The following RYK variants were observed in gnomAD, a reference collection of about 807,000 sequenced individuals.
The protein encoded by RYK is inactive tyrosine-protein kinase RYK.
Under a neutral mutation model 70.2 loss-of-function variants are expected in RYK, and 21 were observed. The observed-to-expected ratio is 0.30, with a 90% CI of 0.21 to 0.43. The LOEUF (loss-of-function observed/expected upper bound fraction) is 0.43, where lower values mean the gene tolerates loss of function less well. Among genes scored for constraint, RYK ranks in the 20% least tolerant of loss-of-function variants. RYK has a pLI of 1.00. For missense variants in RYK, 604 were observed against 753.3 expected, an observed-to-expected ratio of 0.80 and a Z score of 2.32; for synonymous variants, 267 against 278.0, an observed-to-expected ratio of 0.96 and a Z score of 0.39.
chr3:134,231,195 A>C (rs2015049806), intron 1 of RYK, among the ~76,000 whole-genome samples: 1 of 144,072 alleles, frequency 6.9e-6, no homozygotes, highest in Non-Finnish European at 1.5e-5. Flanking sequence ...GACAAGACCA[A>C]AAAAAAAAAA....
intron 2 of RYK, among the ~76,000 whole-genome samples, chr3:134,212,906 C>T (rs1445255975): frequency 6.6e-6 from 1 of 152,170 alleles, no homozygotes; most frequent in East Asian, 1.9e-4. Flanking sequence ...GGTATGCAAA[C>T]ATTAAACTCT....
intron 5 of RYK, among the ~76,000 whole-genome samples, chr3:134,204,591 C>CCA (rs59154111): frequency 0.075 from 10,525 of 140,666 alleles, 510 homozygotes; most frequent in African/African-American, 0.14. Context: ...ACAGCCACAG[C>CCA]CACACACACA....
rs1319134701 is a variant in RYK at position 134,211,552 on chromosome 3, T to A, written c.410A>T (p.Gln137Leu). Reference sequence around the variant, plus strand: ...TTCCCCCTGAACAGAAATGTTGACCTGGGGCATATCCATTGCCAAAACATT... The same window carrying A: ...TTCCCCCTGAACAGAAATGTTGACCAGGGGCATATCCATTGCCAAAACATT... ...VDNVLAMDMP[Q>L]VNISVQGEVP... The change falls in exon 3 of 15, where the codon CAG becomes CTG. Residue 137 changes from glutamine to leucine, a missense_variant. Gln to Leu is a moderately radical substitution (Grantham distance 113, BLOSUM62 -2). Around this residue, in one of 2 missense-constraint regions of RYK, gnomAD observed 466 missense variants for 535.9 expected, o/e 0.87. Coordinates refer to ENST00000623711, the MANE Select transcript of RYK (RefSeq NM_002958.4). 6.2e-7 allele frequency: 1 copy of A among 1,613,764 alleles called. No homozygotes were observed. The highest frequency in any genetic ancestry group is 1.1e-5 in the South Asian group (1 of 91,038).
intron 2 of RYK, among the ~76,000 whole-genome samples, chr3:134,221,201 T>C (rs942524965): frequency 3.4e-5 from 2 of 58,324 alleles, no homozygotes; most frequent in Non-Finnish European, 5.1e-5. Context: ...TTTTTCTTTT[T>C]TTTTTTTTTT....
chr3:134,176,947 C>G lies in RYK; in HGVS notation c.1306-908G>C, dbSNP rs192716175. On this transcript the variant is annotated intron_variant, in intron 11 of 14. Coordinates refer to ENST00000623711, the MANE Select transcript of RYK (RefSeq NM_002958.4). ...CCTGTAGTCCCAGCTACTCGGGAGG[C>G]TGAGGCAGGAGAACGGCGTGAACCT... Among the ~76,000 whole-genome samples, 446 of 152,104 alleles carry G rather than the reference C, an allele frequency of 2.9e-3. 1 individual carries two copies. Among genetic ancestry groups the G allele is most frequent in the African/African-American group, 0.01 (417 of 41,490 alleles).
chr3:134,195,350 G>A (rs918571197), intron 6 of RYK, 168 bp from the exon 7 acceptor site: 4 of 528,796 alleles, frequency 7.6e-6, no homozygotes, highest in South Asian at 4.8e-5. Flanking sequence ...AACTCCTATA[G>A]AGCTCTATTT....
intron 2 of RYK, among the ~76,000 whole-genome samples, chr3:134,219,862 A>C (rs2107684072): frequency 6.6e-6 from 1 of 152,380 alleles, no homozygotes; most frequent in African/African-American, 2.4e-5. Context: ...AACTAGTTCC[A>C]AAAACAGATG....
At chr3:134,248,399 T>C (rs186135103) in intron 1 of RYK, among the ~76,000 whole-genome samples, 17 of 152,320 alleles carry the variant, frequency 1.1e-4, no homozygotes, top group Admixed American at 1.1e-3. Flanking sequence ...AACAAATATA[T>C]AACTCAAGTG....
intron 2 of RYK, among the ~76,000 whole-genome samples, chr3:134,216,822 G>C (rs796823412): frequency 3.5e-5 from 2 of 57,360 alleles, no homozygotes; most frequent in African/African-American, 1.2e-4. Flanking sequence ...AAAAAAAAAA[G>C]CTACTGACAC....
chr3:134,221,578 A>G (rs1055981107), intron 2 of RYK, among the ~76,000 whole-genome samples: 2 of 152,156 alleles, frequency 1.3e-5, no homozygotes, highest in African/African-American at 4.8e-5. Context: ...TAAGTAGAAA[A>G]AAATGAAGAT....
At chr3:134,196,799 A>G (rs572497179) in intron 6 of RYK, among the ~76,000 whole-genome samples, 1 of 152,320 alleles carries the variant, frequency 6.6e-6, no homozygotes, top group Non-Finnish European at 1.5e-5. Context: ...TATTGTAACC[A>G]AACATCTGTA....
At chr3:134,226,429 C>T (rs1009076568) in intron 1 of RYK, among the ~76,000 whole-genome samples, 13 of 152,116 alleles carry the variant, frequency 8.5e-5, no homozygotes, top group Admixed American at 7.9e-4. Flanking sequence ...AGGGAAGACA[C>T]AACACCAATC....
intron 6 of RYK, 54 bp from the exon 7 acceptor site, chr3:134,195,236 T>C (rs2013776655): frequency 7.4e-7 from 1 of 1,355,944 alleles, no homozygotes; most frequent in Non-Finnish European, 1.0e-6. Flanking sequence ...ATGAGAAATT[T>C]CCTTTTTCCA....
intron 1 of RYK, among the ~76,000 whole-genome samples, chr3:134,227,007 C>T (rs1376736385): frequency 2.6e-5 from 4 of 152,078 alleles, no homozygotes; most frequent in Non-Finnish European, 2.9e-5. Flanking sequence ...TGTCATTGTT[C>T]ACAGATGACA....
At chr3:134,246,398 A>G (rs895552622) in intron 1 of RYK, among the ~76,000 whole-genome samples, 7 of 148,914 alleles carry the variant, frequency 4.7e-5, no homozygotes, top group African/African-American at 1.7e-4. Flanking sequence ...AGCATTTCTG[A>G]AAACTAAAAA....
In RYK at chr3:134,221,828, T is replaced by C. The variant is rs562470281; in HGVS notation, c.354+590A>G. 7.2e-5 allele frequency among the ~76,000 whole-genome samples: 11 copies of C among 152,256 alleles called. No individual in the cohort carries two copies. The South Asian group carries it at 2.1e-3, about 29-fold the overall frequency. On this transcript the variant is annotated intron_variant, in intron 2 of 14. Coordinates refer to ENST00000623711, the MANE Select transcript of RYK (RefSeq NM_002958.4). ...ATGCTCAGCCTCCGACTCTTTGACT[T>C]AGGAGAAAACTTACCATGTTTGAGG...
chr3:134,178,384 A>T (rs113161145), intron 10 of RYK: 127 of 199,860 alleles, frequency 6.4e-4, no homozygotes, highest in African/African-American at 2.8e-3. Context: ...AAGGGCAATT[A>T]ATCAGAGACA....
intron 1 of RYK, among the ~76,000 whole-genome samples, chr3:134,247,601 C>G (rs1288297129): frequency 6.6e-6 from 1 of 151,766 alleles, no homozygotes; most frequent in Non-Finnish European, 1.5e-5. Context: ...ACTGGGGAGG[C>G]TGAGGCAGGA....
At chr3:134,222,853 T>C (rs995919113) in intron 1 of RYK, among the ~76,000 whole-genome samples, 4 of 152,186 alleles carry the variant, frequency 2.6e-5, no homozygotes, top group African/African-American at 7.2e-5. Flanking sequence ...CTGGACACAG[T>C]GCTTCTTAGA....
Sources: allele counts gnomAD v4.1 joint callset (sites outside exome capture counted in the v4.1 genomes callset), GRCh38; gene constraint gnomAD v4.1.1; regional missense constraint gnomAD v4.1.1; transcripts MANE v1.5; gene names NCBI Gene and HGNC (gene_info 2026-07-23, HGNC 2026-07-21).